Variants in VWC2 observed in about 807,000 individuals in gnomAD.
VWC2 encodes the protein von Willebrand factor C domain containing 2.
In VWC2, 14 loss-of-function variants were observed where a neutral mutation model predicts 29.8. That is an observed-to-expected ratio of 0.47 (90% CI 0.31 to 0.74). VWC2 has a LOEUF of 0.74. Among genes scored for constraint, VWC2 ranks in the 30% least tolerant of loss-of-function variants. The pLI is 0.05. For missense variants in VWC2, 457 were observed against 459.8 expected, an observed-to-expected ratio of 0.99 and a Z score of 0.05; for synonymous variants, 213 against 199.0, an observed-to-expected ratio of 1.07 and a Z score of -0.59.
intron 3 of VWC2, among the ~76,000 whole-genome samples, chr7:49,856,785 G>A (rs1227888814): frequency 6.6e-6 from 1 of 152,014 alleles, no homozygotes; most frequent in Non-Finnish European, 1.5e-5. Flanking sequence ...CGAGGTGGGC[G>A]GATCACGAGG....
At chr7:49,822,457 G>A (rs961219333) in intron 3 of VWC2, among the ~76,000 whole-genome samples, 8 of 151,992 alleles carry the variant, frequency 5.3e-5, no homozygotes, top group Admixed American at 3.9e-4. Flanking sequence ...TGTTTGAGAC[G>A]GAGTCTTACT....
chr7:49,788,289 G>A (rs1400595894), intron 2 of VWC2, among the ~76,000 whole-genome samples: 1 of 152,174 alleles, frequency 6.6e-6, no homozygotes, highest in Non-Finnish European at 1.5e-5. Context: ...TCTACAGTTG[G>A]GGGTGCGAGC....
At chr7:49,884,130 A>G (rs1791797480) in intron 3 of VWC2, among the ~76,000 whole-genome samples, 1 of 152,236 alleles carries the variant, frequency 6.6e-6, no homozygotes, top group African/African-American at 2.4e-5. Context: ...GGGTTCCTGC[A>G]GTGGCCCCTG....
intron 3 of VWC2, among the ~76,000 whole-genome samples, chr7:49,810,744 A>G (rs1356646474): frequency 6.6e-6 from 1 of 152,200 alleles, no homozygotes; most frequent in African/African-American, 2.4e-5. Context: ...ATTTTCAACC[A>G]ATGTTGTAAG....
intron 2 of VWC2, among the ~76,000 whole-genome samples, chr7:49,802,079 T>C (rs1302033871): frequency 1.3e-5 from 2 of 152,158 alleles, no homozygotes; most frequent in Non-Finnish European, 2.9e-5. Context: ...AAGTTTTTAT[T>C]TGTTTAATTT....
At chr7:49,795,280 A>G (rs934445640) in intron 2 of VWC2, among the ~76,000 whole-genome samples, 1 of 152,238 alleles carries the variant, frequency 6.6e-6, no homozygotes, top group Non-Finnish European at 1.5e-5. Flanking sequence ...TGAATCATCA[A>G]TTATTCATTA....
intron 3 of VWC2, among the ~76,000 whole-genome samples, chr7:49,856,466 C>A (rs908109026): frequency 3.3e-5 from 5 of 152,188 alleles, no homozygotes; most frequent in Non-Finnish European, 7.3e-5. Context: ...GGCTGCAGAT[C>A]ATGAGCCAAA....
At chr7:49,907,993 G>A (rs1793197568) in intron 3 of VWC2, among the ~76,000 whole-genome samples, 1 of 152,122 alleles carries the variant, frequency 6.6e-6, no homozygotes, top group African/African-American at 2.4e-5. Flanking sequence ...GAAAGGGAAG[G>A]GGATTGTCTA....
intron 3 of VWC2, among the ~76,000 whole-genome samples, chr7:49,810,270 TG>T (rs1436527754): frequency 6.6e-6 from 1 of 151,956 alleles, no homozygotes; most frequent in Non-Finnish European, 1.5e-5. Context: ...ATAATACAAA[TG>T]AAATTAAGAA....
chr7:49,852,281 C>T (rs1790211572), intron 3 of VWC2, among the ~76,000 whole-genome samples: 4 of 152,210 alleles, frequency 2.6e-5, no homozygotes, highest in Admixed American at 2.6e-4. Context: ...GTCATGGTGG[C>T]TCTGTGGCTG....
chr7:49,786,226 C>T (rs926726293), intron 2 of VWC2, among the ~76,000 whole-genome samples: 4 of 152,156 alleles, frequency 2.6e-5, no homozygotes, highest in Admixed American at 2.6e-4. Flanking sequence ...TAAATGAAAA[C>T]ATGTGGTATT....
chr7:49,783,673 A>C lies in VWC2; in HGVS notation c.696+7542A>C, dbSNP rs141855417. ...TAGACTGCCTTTCAAATCTGTGGAAAAGGATGATGTCAGGCCTCTGCCGAG... is the reference window on the plus strand; with the variant it reads ...TAGACTGCCTTTCAAATCTGTGGAACAGGATGATGTCAGGCCTCTGCCGAG... On this transcript the variant is annotated intron_variant, in intron 2 of 3. Coordinates refer to ENST00000340652, the MANE Select transcript of VWC2 (RefSeq NM_198570.5). Among the ~76,000 whole-genome samples the C allele has an allele frequency of 1.5e-3, 234 of 152,322 alleles. 2 individuals are homozygous for C. The Middle Eastern group carries it at 0.017, about 11-fold the overall frequency.
intron 3 of VWC2, among the ~76,000 whole-genome samples, chr7:49,863,433 T>TC (rs1790746105): frequency 6.6e-6 from 1 of 152,150 alleles, no homozygotes; most frequent in Non-Finnish European, 1.5e-5. Flanking sequence ...TCCCTTTTTT[T>TC]CTTTTCTTTT....
At chr7:49,822,080 TA>T (rs1340223996) in intron 3 of VWC2, among the ~76,000 whole-genome samples, 2 of 152,332 alleles carry the variant, frequency 1.3e-5, no homozygotes, top group East Asian at 1.9e-4. Flanking sequence ...AGACCTACTT[TA>T]AAGTCAATCT....
intron 3 of VWC2, among the ~76,000 whole-genome samples, chr7:49,902,372 A>G (rs1792802016): frequency 1.3e-5 from 2 of 152,102 alleles, no homozygotes; most frequent in African/African-American, 4.8e-5. Flanking sequence ...AATCTATTGT[A>G]TTGTGAAGAG....
intron 3 of VWC2, among the ~76,000 whole-genome samples, chr7:49,866,554 G>A (rs1274969162): frequency 1.3e-5 from 2 of 152,020 alleles, no homozygotes; most frequent in Non-Finnish European, 2.9e-5. Context: ...AATCTTTCGA[G>A]TTCGGGCTTG....
At chr7:49,870,392 T>C (rs1239158847) in intron 3 of VWC2, among the ~76,000 whole-genome samples, 1 of 152,174 alleles carries the variant, frequency 6.6e-6, no homozygotes, top group East Asian at 1.9e-4. Context: ...GCAGTGAGAC[T>C]CCGTCTCAAA....
rs1419448256 is a variant in VWC2 at position 49,917,229 on chromosome 7, T to C, written c.*5044T>C. On this transcript the variant is annotated 3_prime_UTR_variant, in exon 4 of 4. Coordinates refer to ENST00000340652, the MANE Select transcript of VWC2 (RefSeq NM_198570.5). ...CTGAATGATAACCATTTAAAAGTGA[T>C]GGTTGTTGAAATTTTACTGTAGTGT... 2 of 152,156 alleles carry C rather than the reference T, an allele frequency of 1.3e-5. No homozygotes were observed. The highest frequency in any genetic ancestry group is 2.9e-5 in the Non-Finnish European group (2 of 68,014). 9.4% of individuals were successfully genotyped at this position (152,156 alleles called of 1,614,324 possible).
At chr7:49,785,252 T>C (rs1788269326) in intron 2 of VWC2, among the ~76,000 whole-genome samples, 1 of 152,136 alleles carries the variant, frequency 6.6e-6, no homozygotes, top group Admixed American at 6.5e-5. Flanking sequence ...GTATGAAACA[T>C]AGACATATAG....
Sources: allele counts gnomAD v4.1 joint callset (sites outside exome capture counted in the v4.1 genomes callset), GRCh38; gene constraint gnomAD v4.1.1; transcripts MANE v1.5; gene names NCBI Gene and HGNC (gene_info 2026-07-23, HGNC 2026-07-21).